The following NRXN3 variants were observed in gnomAD, a reference collection of about 807,000 sequenced individuals.
NRXN3 encodes neurexin 3, also known as neurexin III.
A neutral mutation model predicts 137.6 loss-of-function variants in NRXN3; 32 were observed. The observed-to-expected ratio is 0.23, with a 90% CI of 0.18 to 0.31. The LOEUF is 0.31. NRXN3 is among the 10% of genes least tolerant of loss of function. The probability of loss-of-function intolerance (pLI) is 1.00; values close to 1 mark genes in which losing one functional copy is unlikely to be tolerated. For synonymous variants in NRXN3, 798 were observed against 784.5 expected, an observed-to-expected ratio of 1.02 and a Z score of -0.29; for missense variants, 1,574 against 2,062.5, an observed-to-expected ratio of 0.76 and a Z score of 4.59.
chr14:79,348,381 T>TTC (rs1555391690), intron 15 of NRXN3, among the ~76,000 whole-genome samples: 1 of 150,072 alleles, frequency 6.7e-6, no homozygotes, highest in East Asian at 1.9e-4. Context: ...CTTCTCTCTT[T>TTC]TTTTTTTTTT....
intron 16 of NRXN3, among the ~76,000 whole-genome samples, chr14:79,603,326 C>T (rs1018136119): frequency 2.6e-5 from 4 of 152,164 alleles, no homozygotes; most frequent in African/African-American, 9.6e-5. Context: ...TCTTTCAAGC[C>T]TCATCTACTT....
intron 15 of NRXN3, among the ~76,000 whole-genome samples, chr14:79,273,388 A>G (rs954423535): frequency 1.3e-5 from 2 of 151,778 alleles, no homozygotes; most frequent in South Asian, 4.2e-4. Context: ...TAATCCCAGC[A>G]CTTTGGGAGG....
intron 4 of NRXN3, among the ~76,000 whole-genome samples, chr14:78,404,112 C>T (rs1259555212): frequency 6.6e-6 from 1 of 151,866 alleles, no homozygotes. Flanking sequence ...TAATAAATCT[C>T]TAATTTTTCT....
At chr14:79,579,398 C>T (rs1333144225) in intron 16 of NRXN3, among the ~76,000 whole-genome samples, 1 of 147,864 alleles carries the variant, frequency 6.8e-6, no homozygotes, top group Non-Finnish European at 1.5e-5. Flanking sequence ...ATTAAGGAGA[C>T]ATTGTGCCCA....
At chr14:79,442,543 T>C (rs2095982916) in intron 15 of NRXN3, among the ~76,000 whole-genome samples, 1 of 152,192 alleles carries the variant, frequency 6.6e-6, no homozygotes, top group African/African-American at 2.4e-5. Context: ...AAATAAGGTT[T>C]CTGCTACACA....
At chr14:78,273,884 G>A (rs1022677020) in intron 2 of NRXN3, among the ~76,000 whole-genome samples, 4 of 152,132 alleles carry the variant, frequency 2.6e-5, no homozygotes, top group African/African-American at 9.7e-5. Context: ...ATTTAAATCT[G>A]TATTCTATTT....
intron 15 of NRXN3, among the ~76,000 whole-genome samples, chr14:79,380,425 C>A (rs889153798): frequency 6.6e-6 from 1 of 151,048 alleles, no homozygotes; most frequent in Non-Finnish European, 1.5e-5. Flanking sequence ...TCAGTTCCCA[C>A]CTATGAGTGA....
intron 8 of NRXN3, among the ~76,000 whole-genome samples, chr14:78,768,540 A>G (rs1277888547): frequency 6.6e-6 from 1 of 152,198 alleles, no homozygotes. Context: ...CTACATGATA[A>G]GAAACAAGAA....
chr14:79,406,274 CTCTCCCCTCT>C (rs1178123856), intron 15 of NRXN3, among the ~76,000 whole-genome samples: 4 of 150,026 alleles, frequency 2.7e-5, no homozygotes, highest in Non-Finnish European at 5.9e-5. Flanking sequence ...CTCTCCCCTC[CTCTCCCCTCT>C]TCTCCCCTCC....
intron 4 of NRXN3, among the ~76,000 whole-genome samples, chr14:78,369,769 G>A (rs965408): frequency 0.45 from 68,544 of 151,586 alleles, 15,677 homozygotes; most frequent in Middle Eastern, 0.58. Context: ...TTTGCTGCAG[G>A]GCTTAATTAA....
rs146191802 is a variant in NRXN3 at position 78,610,400 on chromosome 14, C to T, written c.758-34720C>T. 2.0e-3 allele frequency among the ~76,000 whole-genome samples: 309 copies of T among 152,298 alleles called. 2 individuals carry two copies. Among genetic ancestry groups the T allele is most frequent in the African/African-American group, 6.7e-3 (280 of 41,574 alleles). On this transcript the variant is annotated intron_variant, in intron 4 of 20. Coordinates refer to ENST00000335750, the MANE Select transcript of NRXN3 (RefSeq NM_001330195.2). Reference sequence around the variant, plus strand: ...AACCAGGCTCCTGCTCTTCCAAGGGCGTAAGCATTGCTGCCCCTTTTGGGC... The same window carrying T: ...AACCAGGCTCCTGCTCTTCCAAGGGTGTAAGCATTGCTGCCCCTTTTGGGC...
At chr14:78,695,527 A>G (rs1473171192) in intron 6 of NRXN3, 1 of 152,078 alleles carries the variant, frequency 6.6e-6, no homozygotes, top group Non-Finnish European at 1.5e-5. Context: ...GCCTAATGCC[A>G]CTGAACAGAT....
At chr14:78,574,560 C>T (rs1455474496) in intron 4 of NRXN3, among the ~76,000 whole-genome samples, 1 of 152,182 alleles carries the variant, frequency 6.6e-6, no homozygotes, top group Admixed American at 6.5e-5. Flanking sequence ...TTTAACTGCC[C>T]CGCTGGATTT....
intron 15 of NRXN3, among the ~76,000 whole-genome samples, chr14:79,385,215 C>CA (rs1409494825): frequency 8.0e-6 from 1 of 125,400 alleles, no homozygotes; most frequent in South Asian, 3.4e-4. Flanking sequence ...CCCCCCGCCC[C>CA]CACCCCACCA....
At chr14:78,784,627 T>C (rs939119199) in intron 8 of NRXN3, among the ~76,000 whole-genome samples, 1 of 152,140 alleles carries the variant, frequency 6.6e-6, no homozygotes, top group Non-Finnish European at 1.5e-5. Flanking sequence ...CATGGGAAGT[T>C]ATAACAAGGG....
chr14:79,539,649 C>T (rs1270343699), intron 16 of NRXN3, among the ~76,000 whole-genome samples: 2 of 152,148 alleles, frequency 1.3e-5, no homozygotes, highest in Non-Finnish European at 2.9e-5. Flanking sequence ...TATATTGCTA[C>T]CCATAAGGAC....
At chr14:79,228,153 G>A (rs2071418202) in intron 15 of NRXN3, among the ~76,000 whole-genome samples, 1 of 152,052 alleles carries the variant, frequency 6.6e-6, no homozygotes, top group Non-Finnish European at 1.5e-5. Context: ...ACTGATGTTA[G>A]TGATCTCCTA....
chr14:78,763,781 A>G (rs1027051888), intron 8 of NRXN3, among the ~76,000 whole-genome samples: 3 of 152,216 alleles, frequency 2.0e-5, no homozygotes, highest in Non-Finnish European at 2.9e-5. Flanking sequence ...TGGGACACAC[A>G]GCTGGGGATA....
intron 16 of NRXN3, among the ~76,000 whole-genome samples, chr14:79,639,823 C>T (rs2098423745): frequency 6.6e-6 from 1 of 152,112 alleles, no homozygotes; most frequent in Non-Finnish European, 1.5e-5. Flanking sequence ...TGGGTGTGAC[C>T]TTGAATAGAG....
Sources: gnomAD v4.1 joint callset for allele counts (sites outside exome capture counted in the v4.1 genomes callset) on GRCh38, gnomAD v4.1.1 for gene constraint, MANE v1.5 for transcripts, NCBI Gene and HGNC (gene_info 2026-07-23, HGNC 2026-07-21) for gene names.